Variants in SRC observed in about 807,000 individuals in gnomAD.
The protein encoded by SRC is SRC proto-oncogene, non-receptor tyrosine kinase.
SRC carries 13 observed loss-of-function variants against 62.9 expected under a neutral mutation model. The ratio of observed to expected loss-of-function variants is 0.21; its 90% CI spans 0.13 to 0.33. The LOEUF (loss-of-function observed/expected upper bound fraction) is 0.33, where lower values mean the gene tolerates loss of function less well. SRC is among the 10% of genes least tolerant of loss of function. The pLI is 1.00. For synonymous variants in SRC, 302 were observed against 317.5 expected (o/e 0.95, Z 0.52); for missense variants, 457 against 737.3 (o/e 0.62, Z 4.40).
chr20:37,398,516 C>T lies in SRC; in HGVS notation c.859+662C>T, dbSNP rs775266148. 1.2e-4 allele frequency among the ~76,000 whole-genome samples: 18 copies of T among 152,336 alleles called. No individual in the cohort carries two copies. Among genetic ancestry groups the T allele is most frequent in the Non-Finnish European group, 2.2e-4 (15 of 68,038 alleles). ...GTTTTCAAGGTGGTTTCATCTGAGC[C>T]GCATCTCCACTCACTCCCACTGCCT... On this transcript the variant is annotated intron_variant, in intron 9 of 13. Coordinates refer to ENST00000373578, the MANE Select transcript of SRC (RefSeq NM_198291.3). The surrounding 1 kb of genome is among the most constrained non-coding windows in gnomAD (Gnocchi z 5.2).
rs1664882830 is a variant in SRC at position 37,398,719 on chromosome 20, A to G, written c.859+865A>G. ...AAGCCAGGGTGTGGGCACAGCCACA[A>G]AGTGAGGACTTGAGCAACACCTGGG... is the stretch of plus-strand genomic sequence containing the variant. On this transcript the variant is annotated intron_variant, in intron 9 of 13. Coordinates refer to ENST00000373578, the MANE Select transcript of SRC (RefSeq NM_198291.3). The surrounding 1 kb of genome is among the most constrained non-coding windows in gnomAD (Gnocchi z 5.2). 6.6e-6 allele frequency among the ~76,000 whole-genome samples: 1 copy of G among 152,194 alleles called. No individual in the cohort carries two copies. Among genetic ancestry groups the G allele is most frequent in the Non-Finnish European group, 1.5e-5 (1 of 68,014 alleles).
rs1033386996 is a variant in SRC at position 37,396,977 on chromosome 20, C to G, written c.703+666C>G. Among the ~76,000 whole-genome samples, 3 of 152,146 alleles carry G rather than the reference C, an allele frequency of 2.0e-5. No individual in the cohort carries two copies. Among genetic ancestry groups the G allele is most frequent in the African/African-American group, 7.2e-5 (3 of 41,420 alleles). On this transcript the variant is annotated intron_variant, in intron 8 of 13. Coordinates refer to ENST00000373578, the MANE Select transcript of SRC (RefSeq NM_198291.3). This position sits in a 1 kb window ranked among gnomAD's most constrained non-coding sequence, Gnocchi z 6.1. ...CCTGACTTCCTCTGGGATCACCCGC[C>G]ACTCTCTGTCTCTTCGGCCACCGCT...
intron 2 of SRC, 82 bp downstream of exon 2, chr20:37,365,359 CACACACACACACGA>C: frequency 6.6e-6 from 1 of 151,470 alleles, no homozygotes; most frequent in African/African-American, 2.4e-5. Context: ...CACACACACA[CACACACACACACGA>C]CAGGGAAAAG....
chr20:37,386,010 C>G, intron 4 of SRC, 65 bp from the exon 5 acceptor site: 2 of 1,315,180 alleles, frequency 1.5e-6, no homozygotes, highest in Non-Finnish European at 2.2e-6. Context: ...GGTACAGGGC[C>G]ATCCTGCCCA....
intron 2 of SRC, among the ~76,000 whole-genome samples, chr20:37,376,611 C>G (rs541523681): frequency 5.9e-5 from 9 of 152,230 alleles, no homozygotes; most frequent in Non-Finnish European, 1.2e-4. Flanking sequence ...TCAAGTGATT[C>G]TCCTACCTCA....
At chr20:37,371,775 C>G (rs1233309529) in intron 2 of SRC, among the ~76,000 whole-genome samples, 1 of 152,060 alleles carries the variant, frequency 6.6e-6, no homozygotes, top group African/African-American at 2.4e-5. Flanking sequence ...GATCTCAGCT[C>G]ACTGCAACCT....
At chr20:37,363,770 G>A (rs1386830011) in intron 1 of SRC, among the ~76,000 whole-genome samples, 1 of 152,208 alleles carries the variant, frequency 6.6e-6, no homozygotes, top group East Asian at 1.9e-4. Flanking sequence ...GTTCCCAGGG[G>A]CTCTGGGTGG....
intron 3 of SRC, among the ~76,000 whole-genome samples, chr20:37,383,339 T>A (rs1472534489): frequency 6.6e-6 from 1 of 152,068 alleles, no homozygotes; most frequent in Non-Finnish European, 1.5e-5. Flanking sequence ...GTGGCTGGAG[T>A]GAGCTCCCAG....
At chr20:37,389,182 G>C (rs774806570) in intron 5 of SRC, among the ~76,000 whole-genome samples, 1 of 152,170 alleles carries the variant, frequency 6.6e-6, no homozygotes, top group Non-Finnish European at 1.5e-5. Context: ...GGCCCTGGGT[G>C]TGAGGAAGCC....
At chr20:37,347,422 A>C (rs527600812) in intron 1 of SRC, among the ~76,000 whole-genome samples, 2 of 152,324 alleles carry the variant, frequency 1.3e-5, no homozygotes, top group African/African-American at 4.8e-5. Context: ...CTATACGTGA[A>C]ATGAGAATCC....
At chr20:37,382,954 C>T (rs369836424) in intron 3 of SRC, among the ~76,000 whole-genome samples, 168 bp downstream of exon 3, 19 of 152,254 alleles carry the variant, frequency 1.2e-4, no homozygotes, top group African/African-American at 4.3e-4. Context: ...TCTGTGTTTC[C>T]GTCTCTCTGG....
rs1338006885 is a variant in SRC, at chr20:37,398,727, A to G, written c.859+873A>G. 6.6e-6 allele frequency among the ~76,000 whole-genome samples: 1 copy of G among 152,190 alleles called. No individual in the cohort carries two copies. The highest frequency in any genetic ancestry group is 1.5e-5 in the Non-Finnish European group (1 of 68,022). On this transcript the variant is annotated intron_variant, in intron 9 of 13. Coordinates refer to ENST00000373578, the MANE Select transcript of SRC (RefSeq NM_198291.3). This position sits in a 1 kb window ranked among gnomAD's most constrained non-coding sequence, Gnocchi z 5.2. ...GTGTGGGCACAGCCACAAAGTGAGG[A>G]CTTGAGCAACACCTGGGTGAATGCA...
At chr20:37,348,582 A>G (rs1183201394) in intron 1 of SRC, among the ~76,000 whole-genome samples, 1 of 152,098 alleles carries the variant, frequency 6.6e-6, no homozygotes, top group Non-Finnish European at 1.5e-5. Flanking sequence ...GAGGACGAGC[A>G]AGAGTTCACT....
At chr20:37,361,870 T>TGTAGAGATGCCGGGGCCTCTGTGTGCAG in intron 1 of SRC, among the ~76,000 whole-genome samples, 2 of 36,130 alleles carry the variant, frequency 5.5e-5, no homozygotes, top group Admixed American at 4.3e-4. Context: ...CAGGTAGAGA[T>TGTAGAGATGCCGGGGCCTCTGTGTGCAG]GTAGAGATGC....
chr20:37,399,845 C>G (rs1385226581), intron 9 of SRC, among the ~76,000 whole-genome samples: 2 of 152,212 alleles, frequency 1.3e-5, no homozygotes, highest in Non-Finnish European at 2.9e-5. Context: ...CACGCCCAGC[C>G]TGGACATTCT....
rs1416764320 is a variant in SRC, at chr20:37,384,217, G to A, written c.64G>A (p.Glu22Lys). 2.5e-6 allele frequency: 4 copies of A among 1,595,730 alleles called. No individual in the cohort carries two copies. Among genetic ancestry groups the A allele is most frequent in the South Asian group, 2.2e-5 (2 of 90,808 alleles). The change falls in exon 4 of 14, where the codon GAG (glutamate) becomes AAG (lysine). Residue 22 changes from glutamate to lysine, a missense_variant. Transcript: ENST00000373578. The surrounding 1 kb of genome is among the most constrained non-coding windows in gnomAD (Gnocchi z 6.7). ...GCGGCGCCGCAGCCTGGAGCCCGCC[G>A]AGAACGTGCACGGCGCTGGCGGGGG... ...SQRRRSLEPA[E>K]NVHGAGGGAF...
chr20:37,404,478 C>A lies in SRC; in HGVS notation c.*1099C>A. On this transcript the variant is annotated 3_prime_UTR_variant, in exon 14 of 14. Coordinates refer to ENST00000373578, the MANE Select transcript of SRC (RefSeq NM_198291.3). The stretch of plus-strand genomic sequence containing the variant: ...AGGCCCTGGTCCTGGCCTCCTTCCC[C>A]GTACTTTGTCCCGTGGCATTTCAAT... The A allele has an allele frequency of 4.3e-6, 1 of 233,716 alleles. No individual in the cohort carries two copies. The highest frequency in any genetic ancestry group is 8.5e-6 in the Non-Finnish European group (1 of 118,022). 14.5% of individuals were successfully genotyped at this position (233,716 alleles called of 1,614,324 possible).
chr20:37,396,421 TC>T lies in SRC; in HGVS notation c.703+114del. The T allele has an allele frequency of 8.0e-7, 1 of 1,255,266 alleles. No homozygotes were observed. Among genetic ancestry groups the T allele is most frequent in the Non-Finnish European group, 1.1e-6 (1 of 909,386 alleles). The allele number at this position is 1,255,266 out of a possible 1,614,324, so 77.8% of individuals were successfully genotyped here. ...GGGGACTTCTGTTATCCTGCTTCTCTCCCCACTTCCCCCTCCCCCCTCCCTT... is the reference window on the plus strand; with the variant it reads ...GGGGACTTCTGTTATCCTGCTTCTCTCCCACTTCCCCCTCCCCCCTCCCTT... On this transcript the variant is annotated intron_variant, in intron 8 of 13. Transcript: ENST00000373578. The surrounding 1 kb of genome is among the most constrained non-coding windows in gnomAD (Gnocchi z 6.1).
intron 1 of SRC, among the ~76,000 whole-genome samples, chr20:37,354,704 T>G (rs1348000893): frequency 6.6e-6 from 1 of 152,332 alleles, no homozygotes; most frequent in East Asian, 1.9e-4. Flanking sequence ...TGGGCCTGGT[T>G]GGGAGACTGC....
Sources: allele counts gnomAD v4.1 joint callset (sites outside exome capture counted in the v4.1 genomes callset), GRCh38; gene constraint gnomAD v4.1.1; non-coding constraint Gnocchi (gnomAD v3.1); transcripts MANE v1.5; gene names NCBI Gene and HGNC (gene_info 2026-07-23, HGNC 2026-07-21).